Variants in P4HA1 observed in about 807,000 individuals in gnomAD.
P4HA1 encodes the protein prolyl 4-hydroxylase subunit alpha-1.
A neutral mutation model predicts 72.8 loss-of-function variants in P4HA1; 24 were observed. The observed-to-expected ratio is 0.33, with a 90% CI of 0.24 to 0.46. The LOEUF is 0.46. Among genes scored for constraint, P4HA1 ranks in the 20% least tolerant of loss-of-function variants. The pLI, the probability that P4HA1 is intolerant of heterozygous loss-of-function variation, is 1.00. For synonymous variants in P4HA1, 201 were observed against 218.8 expected (o/e 0.92, Z 0.72); for missense variants, 446 against 640.6 (o/e 0.70, Z 3.28).
intron 13 of P4HA1, among the ~76,000 whole-genome samples, chr10:73,010,584 T>G (rs959343266): frequency 6.6e-6 from 1 of 152,096 alleles, no homozygotes; most frequent in Non-Finnish European, 1.5e-5. Flanking sequence ...AAAAATGTAA[T>G]TTGGTCAGGC....
chr10:73,018,756 C>T (rs1344270238), intron 10 of P4HA1, among the ~76,000 whole-genome samples: 1 of 152,106 alleles, frequency 6.6e-6, no homozygotes, highest in South Asian at 2.1e-4. Flanking sequence ...TCCTCTCTTC[C>T]CTGGAGTTGG....
chr10:73,028,232 G>GA (rs144539052), intron 10 of P4HA1, among the ~76,000 whole-genome samples: 22,918 of 137,698 alleles, frequency 0.17, 3,014 homozygotes, highest in African/African-American at 0.36. Context: ...TTTGAGATAG[G>GA]AAAAAAAAAC....
rs374306315 is a variant in P4HA1, at chr10:73,011,140, G to A, written c.1369-103C>T. 1,322 of 873,974 alleles carry A rather than the reference G, an allele frequency of 1.5e-3. 28 individuals are homozygous for A. Among genetic ancestry groups the A allele is most frequent in the South Asian group, 0.015 (897 of 60,748 alleles). 54.1% of individuals were successfully genotyped at this position (873,974 alleles called of 1,614,324 possible). A position where few individuals can be genotyped will look rare whatever the true frequency, so the allele number is the denominator to read the frequency against. On this transcript the variant is annotated intron_variant, in intron 12 of 14. Coordinates refer to ENST00000394890, the MANE Select transcript of P4HA1 (RefSeq NM_001017962.3). ...GATACTAGAATATTGGGAACATATGGACTTGTTCTTATATAGCATGGTTGG... is the reference window on the plus strand; with the variant it reads ...GATACTAGAATATTGGGAACATATGAACTTGTTCTTATATAGCATGGTTGG...
At chr10:73,024,153 A>G (rs1840205883) in intron 10 of P4HA1, among the ~76,000 whole-genome samples, 1 of 152,202 alleles carries the variant, frequency 6.6e-6, no homozygotes, top group African/African-American at 2.4e-5. Context: ...ATAGACATCT[A>G]CAGAACTCTG....
intron 10 of P4HA1, among the ~76,000 whole-genome samples, chr10:73,020,115 C>T (rs1840099894): frequency 6.6e-6 from 1 of 151,942 alleles, no homozygotes; most frequent in Admixed American, 6.6e-5. Context: ...GATTGTCAAA[C>T]ATCAAAGACA....
chr10:73,068,835 AATG>A lies in P4HA1; in HGVS notation c.463+8_463+10del. On this transcript the variant is annotated splice_region_variant and intron_variant, in intron 5 of 14. Coordinates refer to ENST00000394890, the MANE Select transcript of P4HA1 (RefSeq NM_001017962.3). ...TGATAGGTATTTTATAGAATGGAAGAATGATCTTACCTGGAAGATTACCCTTTG... is the reference window on the plus strand; with the variant it reads ...TGATAGGTATTTTATAGAATGGAAGAATCTTACCTGGAAGATTACCCTTTG... The A allele has an allele frequency of 6.2e-7, 1 of 1,608,226 alleles. No individual in the cohort carries two copies. Among genetic ancestry groups the A allele is most frequent in the Non-Finnish European group, 8.5e-7 (1 of 1,174,918 alleles).
In P4HA1 at chr10:73,009,808, C is replaced by T; in HGVS notation, c.1533G>A (p.Trp511Ter). 1 of 1,524,990 alleles carries T rather than the reference C, an allele frequency of 6.6e-7. No homozygotes were observed. Among genetic ancestry groups the T allele is most frequent in the Non-Finnish European group, 9.1e-7 (1 of 1,099,058 alleles). The allele number at this position is 1,524,990 out of a possible 1,614,324, so 94.5% of individuals were successfully genotyped here. ...AACPVLVGNKWVSNKWLHERG... is the reference protein window; with the variant it reads ...AACPVLVGNK ...TCGCAGAATATATGAAATATTTACC[C>T]CATTTGTTGCCAACTAGCACTGGAC... Residue 511 changes from tryptophan (W) to a stop codon, truncating the protein, a stop_gained and splice_region_variant, in exon 14 of 15, where the codon TGG becomes TGA. Coordinates refer to ENST00000394890, the MANE Select transcript of P4HA1 (RefSeq NM_001017962.3). LOFTEE classifies it high-confidence loss of function.
intron 1 of P4HA1, among the ~76,000 whole-genome samples, chr10:73,079,743 A>AAAATAAAT (rs749758956): frequency 6.6e-6 from 1 of 152,126 alleles, no homozygotes; most frequent in African/African-American, 2.4e-5. Context: ...ACTTTGTCTC[A>AAAATAAAT]AAATAAATAA....
intron 9 of P4HA1, among the ~76,000 whole-genome samples, chr10:73,044,423 G>C (rs763432133): frequency 6.6e-6 from 1 of 152,118 alleles, no homozygotes; most frequent in Non-Finnish European, 1.5e-5. Context: ...GCTCAGAAGC[G>C]TAACTCTGTT....
intron 4 of P4HA1, 45 bp downstream of exon 4, chr10:73,071,984 A>C (rs202088373): frequency 1.4e-6 from 2 of 1,427,852 alleles, no homozygotes; most frequent in Non-Finnish European, 1.9e-6. Context: ...TTATTTCTAC[A>C]TATGGTGGCA....
intron 1 of P4HA1, among the ~76,000 whole-genome samples, chr10:73,077,933 G>C (rs1841737375): frequency 6.7e-6 from 1 of 150,280 alleles, no homozygotes; most frequent in African/African-American, 2.5e-5. Context: ...AGGCTACAGT[G>C]AGCCATGATC....
At chr10:73,022,744 T>G (rs1275114766) in intron 10 of P4HA1, among the ~76,000 whole-genome samples, 1 of 151,940 alleles carries the variant, frequency 6.6e-6, no homozygotes, top group Non-Finnish European at 1.5e-5. Context: ...CTAAAACCCT[T>G]GAAAAAAGGT....
Position 73,053,648 on chromosome 10 carries a change from A to G in P4HA1, c.464-58T>C, listed in dbSNP as rs556306543. On this transcript the variant is annotated intron_variant, in intron 5 of 14. Coordinates refer to ENST00000394890, the MANE Select transcript of P4HA1 (RefSeq NM_001017962.3). ...TCTTAACACTACTGTGTATTTATTTAGGACTACACAGCTTTCAAAATGCTG... is the reference window on the plus strand; with the variant it reads ...TCTTAACACTACTGTGTATTTATTTGGGACTACACAGCTTTCAAAATGCTG... The G allele has an allele frequency of 3.2e-5, 46 of 1,441,946 alleles. No individual in the cohort carries two copies. The African/African-American group carries it at 6.2e-4, about 19-fold the overall frequency. 89.3% of individuals were successfully genotyped at this position (1,441,946 alleles called of 1,614,324 possible).
At chr10:73,041,069 G>C (rs891832191) in intron 9 of P4HA1, among the ~76,000 whole-genome samples, 1 of 152,072 alleles carries the variant, frequency 6.6e-6, no homozygotes, top group African/African-American at 2.4e-5. Flanking sequence ...CTATCTATTA[G>C]TGTTCCTTAA....
At chr10:73,094,128 T>C (rs1287223904) in intron 1 of P4HA1, among the ~76,000 whole-genome samples, 1 of 151,854 alleles carries the variant, frequency 6.6e-6, no homozygotes, top group African/African-American at 2.4e-5. Flanking sequence ...TTACCATATA[T>C]AGGAGAGGGC....
intron 12 of P4HA1, among the ~76,000 whole-genome samples, chr10:73,012,781 A>T (rs1239726446): frequency 6.6e-6 from 1 of 152,002 alleles, no homozygotes; most frequent in African/African-American, 2.4e-5. Context: ...CTACATATAA[A>T]ATATATATAT....
Position 73,072,194 on chromosome 10 carries a change from A to G in P4HA1, c.174-14T>C. On this transcript the variant is annotated splice_polypyrimidine_tract_variant and intron_variant, in intron 3 of 14. Transcript: ENST00000394890. ...TTCTCTGCCCATCTACAGATGTAAA[A>G]CATAAAAACTGAATATTTATATTTC... is the stretch of plus-strand genomic sequence containing the variant. 12 of 1,590,574 alleles carry G rather than the reference A, an allele frequency of 7.5e-6. No individual in the cohort carries two copies. Among genetic ancestry groups the G allele is most frequent in the Non-Finnish European group, 9.4e-6 (11 of 1,165,504 alleles).
chr10:73,066,977 C>T (rs1841438330), intron 5 of P4HA1, among the ~76,000 whole-genome samples: 1 of 152,112 alleles, frequency 6.6e-6, no homozygotes, highest in African/African-American at 2.4e-5. Flanking sequence ...GTGAATACAT[C>T]CCACCTCAGC....
In P4HA1 at chr10:73,023,654, C is replaced by T. The variant is rs537908292; in HGVS notation, c.1248+6617G>A. ...CAAATTCACATATAACAATATTAGC[C>T]TTAAATGTAAATGGGCTAAATGTCC... On this transcript the variant is annotated intron_variant, in intron 10 of 14. Transcript: ENST00000394890. 2.0e-5 allele frequency among the ~76,000 whole-genome samples: 3 copies of T among 152,172 alleles called. No individual in the cohort carries two copies. The East Asian group carries it at 5.8e-4, about 29-fold the overall frequency.
Sources: gnomAD v4.1 joint callset for allele counts (sites outside exome capture counted in the v4.1 genomes callset) on GRCh38, gnomAD v4.1.1 for gene constraint, MANE v1.5 for transcripts, NCBI Gene and HGNC (gene_info 2026-07-23, HGNC 2026-07-21) for gene names.